LRRC40: variants seen among roughly 807,000 people sequenced by gnomAD.
The protein encoded by LRRC40 is leucine rich repeat containing 40.
In LRRC40, 76 loss-of-function variants were observed where a neutral mutation model predicts 72.8. That is an observed-to-expected ratio of 1.04 (90% CI 0.87 to 1.26). LRRC40 has a LOEUF of 1.26. LRRC40 is among the 50% of genes most tolerant of loss of function. The pLI is 0.00. For missense variants in LRRC40, 684 were observed against 698.9 expected (o/e 0.98, Z 0.24); for synonymous variants, 243 against 254.2 (o/e 0.96, Z 0.42).
chr1:70,167,580 AAAT>A (rs993181943), intron 9 of LRRC40, among the ~76,000 whole-genome samples: 2 of 152,064 alleles, frequency 1.3e-5, no homozygotes, highest in African/African-American at 2.4e-5. Context: ...CAAAAACAAA[AAAT>A]AATAATAATT....
intron 1 of LRRC40, among the ~76,000 whole-genome samples, chr1:70,199,505 G>A (rs892616001): frequency 2.0e-5 from 3 of 152,072 alleles, no homozygotes; most frequent in Non-Finnish European, 2.9e-5. Context: ...TCTGCCACCC[G>A]TGAGAAAGCA....
At chr1:70,171,514 A>T (rs532291927) in intron 9 of LRRC40, among the ~76,000 whole-genome samples, 93 of 152,304 alleles carry the variant, frequency 6.1e-4, no homozygotes, top group African/African-American at 2.1e-3. Context: ...ACAATTAAAA[A>T]ATAGACAAAG....
In LRRC40 at chr1:70,151,224, C is replaced by T. The variant is rs530989478; in HGVS notation, c.1440-19G>A. 121 of 1,254,872 alleles carry T rather than the reference C, an allele frequency of 9.6e-5. 1 individual carries two copies. The East Asian group carries it at 2.0e-3, about 21-fold the overall frequency. The allele number at this position is 1,254,872 out of a possible 1,614,324, so 77.7% of individuals were successfully genotyped here. On this transcript the variant is annotated intron_variant, in intron 12 of 14. Coordinates refer to ENST00000370952, the MANE Select transcript of LRRC40 (RefSeq NM_017768.5). ...ATTGTTCCTAAATTGGAAATCAAAACAGAAGATTTACAAAGTTTGAAAAAT... is the reference window on the plus strand; with the variant it reads ...ATTGTTCCTAAATTGGAAATCAAAATAGAAGATTTACAAAGTTTGAAAAAT...
intron 13 of LRRC40, among the ~76,000 whole-genome samples, chr1:70,150,530 G>A (rs1298800238): frequency 1.3e-5 from 2 of 152,202 alleles, no homozygotes; most frequent in African/African-American, 4.8e-5. Context: ...ATTATCTGCA[G>A]TATCTTGATA....
rs776614085 is a variant in LRRC40, at chr1:70,148,491, A to G, written c.1699T>C (p.Leu567=). The change falls in exon 14 of 15, where the codon TTA becomes CTA. Residue 567 remains leucine (L), a synonymous_variant. Coordinates refer to ENST00000370952, the MANE Select transcript of LRRC40 (RefSeq NM_017768.5). ...GCAGTAGAATGGTGTAGTTACCTTA[A>G]GTTTACACAATTACCGAGCTCTGGT... The part of the protein sequence containing the change: ...IPPELGNCVN[L]RTLLLDGNPF... 4 of 1,608,442 alleles carry G rather than the reference A, an allele frequency of 2.5e-6. No homozygotes were observed. The Admixed American group carries it at 6.7e-5, about 27-fold the overall frequency.
chr1:70,186,103 T>G (rs182454821), intron 3 of LRRC40, among the ~76,000 whole-genome samples: 1 of 152,324 alleles, frequency 6.6e-6, no homozygotes, highest in East Asian at 1.9e-4. Context: ...ATTGGTTACC[T>G]AGCTGAAATC....
chr1:70,152,984 C>T (rs1229399170), intron 11 of LRRC40, among the ~76,000 whole-genome samples: 2 of 152,066 alleles, frequency 1.3e-5, no homozygotes, highest in African/African-American at 2.4e-5. Flanking sequence ...TAGTTTAAAA[C>T]TTAAAGAGGA....
At chr1:70,201,167 C>G (rs758793377) in intron 1 of LRRC40, among the ~76,000 whole-genome samples, 8 of 151,220 alleles carry the variant, frequency 5.3e-5, no homozygotes, top group African/African-American at 9.7e-5. Context: ...GACCCTGTCT[C>G]AAAAAAACAA....
At chr1:70,177,757 T>C (rs1263444955) in intron 6 of LRRC40, among the ~76,000 whole-genome samples, 1 of 152,228 alleles carries the variant, frequency 6.6e-6, no homozygotes, top group East Asian at 1.9e-4. Flanking sequence ...AGCATGGTAC[T>C]ATAAACACAG....
At chr1:70,171,741 G>A (rs114873646) in intron 9 of LRRC40, among the ~76,000 whole-genome samples, 2 of 152,250 alleles carry the variant, frequency 1.3e-5, no homozygotes, top group African/African-American at 4.8e-5. Context: ...ATATACTACT[G>A]GTGAGAATGT....
intron 1 of LRRC40, among the ~76,000 whole-genome samples, chr1:70,204,492 A>G (rs2100367530): frequency 6.6e-6 from 1 of 152,266 alleles, no homozygotes; most frequent in African/African-American, 2.4e-5. Context: ...GTAGTTTGAA[A>G]ATGAGTATGT....
chr1:70,151,521 C>A (rs1667489764), intron 12 of LRRC40, among the ~76,000 whole-genome samples: 1 of 151,944 alleles, frequency 6.6e-6, no homozygotes, highest in South Asian at 2.1e-4. Context: ...TAATATTTCC[C>A]CCATGTCTAT....
intron 5 of LRRC40, among the ~76,000 whole-genome samples, chr1:70,180,691 T>C (rs1302057067): frequency 6.6e-6 from 1 of 152,120 alleles, no homozygotes; most frequent in Non-Finnish European, 1.5e-5. Flanking sequence ...AAACAAGACT[T>C]ATTTCTCGAC....
intron 4 of LRRC40, among the ~76,000 whole-genome samples, chr1:70,182,164 TATC>T (rs1410821847): frequency 2.0e-5 from 3 of 151,994 alleles, no homozygotes; most frequent in Non-Finnish European, 4.4e-5. Context: ...AACAATATAT[TATC>T]ATAATCTACA....
chr1:70,194,051 C>T (rs1266772258), intron 1 of LRRC40, among the ~76,000 whole-genome samples: 1 of 151,934 alleles, frequency 6.6e-6, no homozygotes, highest in East Asian at 1.9e-4. Flanking sequence ...ATTCTCACTA[C>T]TTTAATATTT....
At chr1:70,168,158 G>A (rs1667928044) in intron 9 of LRRC40, among the ~76,000 whole-genome samples, 1 of 152,150 alleles carries the variant, frequency 6.6e-6, no homozygotes, top group Non-Finnish European at 1.5e-5. Context: ...TTCCTGAGAG[G>A]AGTGTCAGCA....
intron 10 of LRRC40, among the ~76,000 whole-genome samples, chr1:70,157,511 A>C (rs1181995917): frequency 6.6e-6 from 1 of 152,234 alleles, no homozygotes; most frequent in East Asian, 1.9e-4. Flanking sequence ...GGTTATCCCA[A>C]ATAAAATTGG....
intron 11 of LRRC40, among the ~76,000 whole-genome samples, chr1:70,154,664 A>T (rs1469638599): frequency 6.6e-6 from 1 of 152,194 alleles, no homozygotes; most frequent in Non-Finnish European, 1.5e-5. Context: ...CACTTTTTAA[A>T]AGCTTTAAAC....
intron 5 of LRRC40, 117 bp from the exon 6 acceptor site, chr1:70,179,110 AT>A: frequency 2.2e-6 from 1 of 459,724 alleles, no homozygotes; most frequent in Non-Finnish European, 3.8e-6. Context: ...CCTGTGCCAT[AT>A]AATCAAGAAT....
Sources: allele counts gnomAD v4.1 joint callset (sites outside exome capture counted in the v4.1 genomes callset), GRCh38; gene constraint gnomAD v4.1.1; transcripts MANE v1.5; gene names NCBI Gene and HGNC (gene_info 2026-07-23, HGNC 2026-07-21).